STXBP5L: variants seen among roughly 807,000 people sequenced by gnomAD.
STXBP5L encodes syntaxin binding protein 5L, also known as syntaxin-binding protein 5-like.
A neutral mutation model predicts 144.5 loss-of-function variants in STXBP5L; 65 were observed. The ratio of observed to expected loss-of-function variants is 0.45; its 90% CI spans 0.37 to 0.55. The LOEUF (loss-of-function observed/expected upper bound fraction) is 0.55. Among genes scored for constraint, STXBP5L ranks in the 20% least tolerant of loss-of-function variants. The pLI, the probability that STXBP5L is intolerant of heterozygous loss-of-function variation, is 0.00. For synonymous variants in STXBP5L, 505 were observed against 469.6 expected (o/e 1.08, Z -0.97); for missense variants, 1,298 against 1,405.5 (o/e 0.92, Z 1.22).
At chr3:121,116,423 G>T (rs1367230468) in intron 6 of STXBP5L, among the ~76,000 whole-genome samples, 1 of 152,040 alleles carries the variant, frequency 6.6e-6, no homozygotes, top group Non-Finnish European at 1.5e-5. Context: ...GTCTGAATGG[G>T]TCTTTTATTA....
intron 12 of STXBP5L, among the ~76,000 whole-genome samples, chr3:121,235,706 C>T (rs2049454929): frequency 1.3e-5 from 2 of 152,030 alleles, no homozygotes; most frequent in South Asian, 4.2e-4. Flanking sequence ...ACCTACTTGT[C>T]CCTTAACTAG....
chr3:121,036,334 A>T (rs1462476797), intron 3 of STXBP5L, among the ~76,000 whole-genome samples: 1 of 151,974 alleles, frequency 6.6e-6, no homozygotes, highest in East Asian at 1.9e-4. Context: ...ACTCCATCTT[A>T]AAAAAAATTG....
intron 11 of STXBP5L, among the ~76,000 whole-genome samples, chr3:121,228,793 CTTGAACCTGAA>C (rs1347048405): frequency 6.6e-6 from 1 of 152,178 alleles, no homozygotes; most frequent in African/African-American, 2.4e-5. Context: ...AGAAGAATCG[CTTGAACCTGAA>C]AGGTGGAAGT....
At chr3:121,082,968 G>A (rs1302155171) in intron 5 of STXBP5L, among the ~76,000 whole-genome samples, 7 of 152,174 alleles carry the variant, frequency 4.6e-5, no homozygotes, top group African/African-American at 1.4e-4. Context: ...GGAGGCTGAG[G>A]CAGGCAGATT....
At chr3:121,071,848 G>A (rs1163353864) in intron 5 of STXBP5L, among the ~76,000 whole-genome samples, 1 of 152,170 alleles carries the variant, frequency 6.6e-6, no homozygotes, top group East Asian at 1.9e-4. Flanking sequence ...CATCAGGGGT[G>A]CTTGGCCAAA....
chr3:121,009,107 G>A (rs1346089859), intron 3 of STXBP5L, among the ~76,000 whole-genome samples: 1 of 151,844 alleles, frequency 6.6e-6, no homozygotes, highest in African/African-American at 2.4e-5. Context: ...CTGCCACCTG[G>A]TCACTCTGTT....
chr3:121,291,958 A>G (rs763253424), intron 19 of STXBP5L, among the ~76,000 whole-genome samples: 6 of 152,246 alleles, frequency 3.9e-5, no homozygotes, highest in Non-Finnish European at 8.8e-5. Context: ...AATTCTGAAG[A>G]TAACATTGGA....
At chr3:121,338,547 G>A (rs1334530842) in intron 20 of STXBP5L, among the ~76,000 whole-genome samples, 1 of 132,582 alleles carries the variant, frequency 7.5e-6, no homozygotes, top group Non-Finnish European at 1.5e-5. Flanking sequence ...GGAGACTGAA[G>A]CAGGAGAATC....
intron 3 of STXBP5L, among the ~76,000 whole-genome samples, chr3:120,961,439 C>T (rs147341625): frequency 0.034 from 5,242 of 151,992 alleles, 337 homozygotes; most frequent in Admixed American, 0.17. Context: ...CGTCCCCCAA[C>T]GAGGCCCCAG....
At chr3:121,348,702 A>T (rs1416453445) in intron 20 of STXBP5L, among the ~76,000 whole-genome samples, 1 of 152,054 alleles carries the variant, frequency 6.6e-6, no homozygotes, top group African/African-American at 2.4e-5. Flanking sequence ...GTATGTGTCG[A>T]GGAATTTATC....
chr3:120,989,013 G>A (rs368545950), intron 3 of STXBP5L, among the ~76,000 whole-genome samples: 36 of 151,760 alleles, frequency 2.4e-4, no homozygotes, highest in African/African-American at 4.4e-4. Flanking sequence ...TTTTAAGGCC[G>A]AATAATATTC....
intron 22 of STXBP5L, among the ~76,000 whole-genome samples, chr3:121,391,593 A>G (rs2046585749): frequency 6.6e-6 from 1 of 151,384 alleles, no homozygotes; most frequent in African/African-American, 2.4e-5. Flanking sequence ...CTTTTTGTTG[A>G]TGTTGATGCT....
chr3:121,192,390 T>C (rs2047732342), intron 9 of STXBP5L, among the ~76,000 whole-genome samples: 1 of 152,244 alleles, frequency 6.6e-6, no homozygotes, highest in Admixed American at 6.5e-5. Flanking sequence ...AAAATGGCCA[T>C]ACTCCCCAAG....
intron 4 of STXBP5L, among the ~76,000 whole-genome samples, chr3:121,043,289 T>A (rs1947284529): frequency 6.6e-6 from 1 of 152,174 alleles, no homozygotes; most frequent in Non-Finnish European, 1.5e-5. Context: ...CACTTTGTTT[T>A]TATAAATGAA....
intron 5 of STXBP5L, among the ~76,000 whole-genome samples, chr3:121,086,979 A>T (rs896961362): frequency 2.0e-5 from 3 of 152,002 alleles, no homozygotes; most frequent in African/African-American, 7.2e-5. Context: ...ATTTCCAAGT[A>T]CTTGGAGATT....
At chr3:120,979,768 G>T (rs1323348632) in intron 3 of STXBP5L, among the ~76,000 whole-genome samples, 5 of 152,014 alleles carry the variant, frequency 3.3e-5, no homozygotes, top group Non-Finnish European at 7.4e-5. Context: ...TGTTTCTTTT[G>T]TTCTGCTACC....
intron 18 of STXBP5L, among the ~76,000 whole-genome samples, chr3:121,271,550 G>A (rs1027071197): frequency 1.3e-5 from 2 of 152,132 alleles, no homozygotes; most frequent in Non-Finnish European, 2.9e-5. Context: ...AGTATACAAA[G>A]CTAAGAAAAA....
At chr3:120,996,779 G>A (rs1406595295) in intron 3 of STXBP5L, among the ~76,000 whole-genome samples, 1 of 152,090 alleles carries the variant, frequency 6.6e-6, no homozygotes, top group Non-Finnish European at 1.5e-5. Flanking sequence ...TGTTGCAAAT[G>A]AGAGAAATTC....
intron 5 of STXBP5L, among the ~76,000 whole-genome samples, chr3:121,052,597 A>T: frequency 6.6e-6 from 1 of 152,228 alleles, no homozygotes; most frequent in Non-Finnish European, 1.5e-5. Flanking sequence ...GACATATCTC[A>T]AAATAATAAG....
Sources: allele counts gnomAD v4.1 joint callset (sites outside exome capture counted in the v4.1 genomes callset), GRCh38; gene constraint gnomAD v4.1.1; transcripts MANE v1.5; gene names NCBI Gene and HGNC (gene_info 2026-07-23, HGNC 2026-07-21).